Variants in IRGC observed in about 807,000 individuals in gnomAD.
The protein encoded by IRGC is interferon-inducible GTPase 5.
Under a neutral mutation model 16.1 loss-of-function variants are expected in IRGC, and 4 were observed. The observed-to-expected ratio is 0.25, with a 90% CI of 0.12 to 0.57. IRGC has a LOEUF of 0.57. Ranked by LOEUF, IRGC falls within the 20% of genes least tolerant of loss-of-function variation. IRGC has a pLI of 0.92. For synonymous variants in IRGC, 307 were observed against 299.5 expected, an observed-to-expected ratio of 1.03 and a Z score of -0.26; for missense variants, 570 against 643.9, an observed-to-expected ratio of 0.89 and a Z score of 1.24.
chr19:43,718,354 C>T, intron 1 of IRGC, 139 bp from the exon 2 acceptor site: 1 of 1,107,318 alleles, frequency 9.0e-7, no homozygotes, highest in East Asian at 3.0e-5. Flanking sequence ...TAACTTGTGC[C>T]AAAAATGTGT....
intron 1 of IRGC, among the ~76,000 whole-genome samples, chr19:43,716,818 T>C (rs555095978): frequency 3.3e-5 from 5 of 152,096 alleles, no homozygotes; most frequent in Non-Finnish European, 5.9e-5. Context: ...GGGACCTGGG[T>C]TGGGGTCCTG....
In IRGC at chr19:43,719,425, C is replaced by A; in HGVS notation, c.867C>A (p.Tyr289Ter). The A allele has an allele frequency of 1.2e-6, 2 of 1,605,090 alleles. No individual in the cohort carries two copies. Among genetic ancestry groups the A allele is most frequent in the Non-Finnish European group, 1.7e-6 (2 of 1,174,938 alleles). Reference protein sequence around the residue: ...ALPVPGLAAAYDDALLIHSLR... With the variant: ...ALPVPGLAAA ...CGGTCCCAGGGCTGGCGGCCGCCTA[C>A]GATGATGCGTTGCTCATCCACTCAC... Residue 289 changes from tyrosine to a stop codon, truncating the protein, a stop_gained, in exon 2 of 2, where the codon TAC (tyrosine) becomes TAA (stop). Coordinates refer to ENST00000244314, the MANE Select transcript of IRGC (RefSeq NM_019612.4). LOFTEE classifies it high-confidence loss of function.
chr19:43,717,804 TC>T (rs530471116), intron 1 of IRGC, among the ~76,000 whole-genome samples: 60 of 152,340 alleles, frequency 3.9e-4, no homozygotes, highest in African/African-American at 1.3e-3. Flanking sequence ...GCATAGTGGC[TC>T]ATGCCCTTAA....
Position 43,719,769 on chromosome 19 carries a change from T to G in IRGC, c.1211T>G (p.Leu404Arg). The G allele has an allele frequency of 1.2e-6, 2 of 1,613,670 alleles. No homozygotes were observed. The highest frequency in any genetic ancestry group is 4.5e-5 in the East Asian group (2 of 44,866). ...EDAQRVRIKA[L>R]EDDEPQPEVS... ...GCCCAGCGTGTCCGCATCAAGGCCCTGGAGGATGACGAGCCGCAGCCGGAG... is the reference window on the plus strand; with the variant it reads ...GCCCAGCGTGTCCGCATCAAGGCCCGGGAGGATGACGAGCCGCAGCCGGAG... Residue 404 changes from leucine to arginine, a missense_variant, in exon 2 of 2, where the codon CTG becomes CGG. Physicochemically the swap from Leu to Arg is moderately radical, Grantham distance 102. Transcript: ENST00000244314.
Position 43,718,871 on chromosome 19 carries a change from C to A in IRGC, c.313C>A (p.Pro105Thr), listed in dbSNP as rs762591618. ...GTCGCCCTATCCACACCCACAGTTC[C>A]CTGACGTGACCCTCTGGGACCTGCC... ...QPSPYPHPQF[P>T]DVTLWDLPGA... The change falls in exon 2 of 2, where the codon CCT becomes ACT. Residue 105 changes from proline (P) to threonine (T), a missense_variant. Pro to Thr is a conservative substitution (Grantham distance 38, BLOSUM62 -1). Transcript: ENST00000244314. 6.2e-7 allele frequency: 1 copy of A among 1,613,376 alleles called. No homozygotes were observed. The highest frequency in any genetic ancestry group is 1.3e-5 in the African/African-American group (1 of 75,064).
At position 43,719,300 on chromosome 19, in the gene IRGC, C is replaced by T. The variant is rs760877732; in HGVS notation, c.742C>T (p.Leu248Phe). Residue 248 changes from leucine (L) to phenylalanine (F), a missense_variant, in exon 2 of 2, where the codon CTC becomes TTC. Coordinates refer to ENST00000244314, the MANE Select transcript of IRGC (RefSeq NM_019612.4). ...CCGGCGCCACGCTGGCCTGCTGTCG[C>T]TCCCCGACATCTCGCTGGAGGCCTT... Reference protein sequence around the residue: ...SHRRHAGLLSLPDISLEALQK... With the variant: ...SHRRHAGLLSFPDISLEALQK... 5.6e-6 allele frequency: 9 copies of T among 1,609,892 alleles called. No individual in the cohort carries two copies. Among genetic ancestry groups the T allele is most frequent in the South Asian group, 4.4e-5 (4 of 90,802 alleles).
At position 43,719,030 on chromosome 19, in the gene IRGC, T is replaced by A. The variant is rs1166795869; in HGVS notation, c.472T>A (p.Cys158Ser). 6.2e-7 allele frequency: 1 copy of A among 1,612,854 alleles called. No individual in the cohort carries two copies. The highest frequency in any genetic ancestry group is 8.5e-7 in the Non-Finnish European group (1 of 1,179,874). The change falls in exon 2 of 2, where the codon TGC becomes AGC. Residue 158 changes from cysteine (C) to serine (S), a missense_variant. Cys to Ser is a moderately radical substitution (Grantham distance 112). Transcript: ENST00000244314. ...GACCCGCCTGGCCGCTGAGATCCTG[T>A]GCCAGGGCAAGAAGTTCTACTTTGT... ...VETRLAAEILCQGKKFYFVRT... is the reference protein window; with the variant it reads ...VETRLAAEILSQGKKFYFVRT...
In IRGC at chr19:43,718,484, CCT is replaced by C. The variant is rs754290604; in HGVS notation, c.-66-6_-66-5del. 8.9e-5 allele frequency: 134 copies of C among 1,505,796 alleles called. No homozygotes were observed. The African/African-American group carries it at 1.5e-3, about 17-fold the overall frequency. The allele number at this position is 1,505,796 out of a possible 1,614,324, so 93.3% of individuals were successfully genotyped here. A position where few individuals can be genotyped will look rare whatever the true frequency, so the allele number is the denominator to read the frequency against. ...CAGGAGGTGTGAATGGCTCCCTTCT[CCT>C]CTGCAGGCGCTGAGGATCACGCATC... On this transcript the variant is annotated splice_polypyrimidine_tract_variant and splice_region_variant and intron_variant, in intron 1 of 1. Coordinates refer to ENST00000244314, the MANE Select transcript of IRGC (RefSeq NM_019612.4).
At chr19:43,716,661 T>C (rs1968174217) in intron 1 of IRGC, among the ~76,000 whole-genome samples, 1 of 152,044 alleles carries the variant, frequency 6.6e-6, no homozygotes, top group Non-Finnish European at 1.5e-5. Flanking sequence ...TAAGGACATA[T>C]TTCTGTGGGG....
Position 43,719,583 on chromosome 19 carries a change from C to T in IRGC, c.1025C>T (p.Thr342Ile), listed in dbSNP as rs746848166. The T allele has an allele frequency of 1.2e-6, 2 of 1,602,366 alleles. No homozygotes were observed. The highest frequency in any genetic ancestry group is 1.7e-5 in the Admixed American group (1 of 59,986). Residue 342 changes from threonine to isoleucine, a missense_variant, in exon 2 of 2, where the codon ACT becomes ATT. Physicochemically the swap from Thr to Ile is moderately conservative, Grantham distance 89. Coordinates refer to ENST00000244314, the MANE Select transcript of IRGC (RefSeq NM_019612.4). ...CTGGCCAACGAGGTCTCGCCTGAGA[C>T]TGTCCTGCGGCTCTATTCCCAGTCG... ...SPLANEVSPE[T>I]VLRLYSQSSD...
chr19:43,718,818 C>A lies in IRGC; in HGVS notation c.260C>A (p.Thr87Lys), dbSNP rs761093481. 1 of 1,612,992 alleles carries A rather than the reference C, an allele frequency of 6.2e-7. No individual in the cohort carries two copies. The highest frequency in any genetic ancestry group is 8.5e-7 in the Non-Finnish European group (1 of 1,179,968). The change falls in exon 2 of 2, where the codon ACG (threonine) becomes AAG (lysine). Residue 87 changes from threonine (T) to lysine (K), a missense_variant. Transcript: ENST00000244314. Reference protein sequence around the residue: ...LEAEDPGAALTGVMETTMQPS... With the variant: ...LEAEDPGAALKGVMETTMQPS... ...GCCGAGGACCCTGGCGCGGCTCTCA[C>A]GGGCGTCATGGAGACCACGATGCAA...
intron 1 of IRGC, among the ~76,000 whole-genome samples, chr19:43,716,880 T>G (rs1478604875): frequency 1.3e-5 from 2 of 152,102 alleles, no homozygotes; most frequent in Non-Finnish European, 2.9e-5. Context: ...GCCTCAGTCC[T>G]TCTCCCTGTC....
Position 43,718,632 on chromosome 19 carries a change from A to G in IRGC, c.74A>G (p.Glu25Gly), listed in dbSNP as rs1968209502. Residue 25 changes from glutamate to glycine, a missense_variant, in exon 2 of 2, where the codon GAG (glutamate) becomes GGG (glycine). Coordinates refer to ENST00000244314, the MANE Select transcript of IRGC (RefSeq NM_019612.4). ...NTILMAKERL[E>G]ALRTAFESGD... is the part of the protein sequence containing the mutation. ...ATCCTTATGGCCAAGGAAAGGCTGG[A>G]GGCCCTGCGCACAGCCTTTGAGTCG... The G allele has an allele frequency of 6.2e-7, 1 of 1,613,226 alleles. No homozygotes were observed. Among genetic ancestry groups the G allele is most frequent in the Non-Finnish European group, 8.5e-7 (1 of 1,179,754 alleles).
At chr19:43,716,431 C>A (rs1438492555) in intron 1 of IRGC, among the ~76,000 whole-genome samples, 1 of 151,404 alleles carries the variant, frequency 6.6e-6, no homozygotes, top group African/African-American at 2.4e-5. Flanking sequence ...GTGGTGCAAT[C>A]TTGGCTCACT....
rs536305593 is a variant in IRGC, at chr19:43,717,275, C to A, written c.-67+1133C>A. On this transcript the variant is annotated intron_variant, in intron 1 of 1. Transcript: ENST00000244314. The stretch of plus-strand genomic sequence containing the variant: ...CTGCGAGGTGGGGAGGAGTATCCCC[C>A]ACGGGGCAGCTGAGGCTCAGACAGG... 2.6e-5 allele frequency among the ~76,000 whole-genome samples: 4 copies of A among 152,280 alleles called. No individual in the cohort carries two copies. In the East Asian group the frequency reaches 5.8e-4, roughly 22 times the overall value.
chr19:43,719,218 G>C lies in IRGC; in HGVS notation c.660G>C (p.Pro220=), dbSNP rs369487767. The C allele has an allele frequency of 2.8e-5, 45 of 1,608,640 alleles. No individual in the cohort carries two copies. In the South Asian group the frequency reaches 3.8e-4, roughly 14 times the overall value. ...PRIFLVSNLS[P]ARYDFPTLVS... ...TCTTCCTGGTGTCCAACCTCTCGCC[G>C]GCCCGCTACGACTTTCCCACGCTGG... Residue 220 remains proline, a synonymous_variant, in exon 2 of 2, where the codon CCG becomes CCC. Coordinates refer to ENST00000244314, the MANE Select transcript of IRGC (RefSeq NM_019612.4).
Position 43,718,877 on chromosome 19 carries a change from G to A in IRGC, c.319G>A (p.Val107Met), listed in dbSNP as rs372481323. Reference protein sequence around the residue: ...SPYPHPQFPDVTLWDLPGAGS... With the variant: ...SPYPHPQFPDMTLWDLPGAGS... ...CTATCCACACCCACAGTTCCCTGAC[G>A]TGACCCTCTGGGACCTGCCAGGAGC... The change falls in exon 2 of 2, where the codon GTG (valine) becomes ATG (methionine). Residue 107 changes from valine to methionine, a missense_variant. Physicochemically the swap from Val to Met is conservative, Grantham distance 21. Coordinates refer to ENST00000244314, the MANE Select transcript of IRGC (RefSeq NM_019612.4). 9.4e-5 allele frequency: 151 copies of A among 1,613,218 alleles called. No homozygotes were observed. Among genetic ancestry groups the A allele is most frequent in the African/African-American group, 4.0e-5 (3 of 74,936 alleles).
At chr19:43,717,674 C>T (rs1449646515) in intron 1 of IRGC, among the ~76,000 whole-genome samples, 3 of 152,210 alleles carry the variant, frequency 2.0e-5, no homozygotes, top group East Asian at 1.9e-4. Flanking sequence ...TGGGCCTGTA[C>T]CACCCTTTCC....
rs1364207990 is a variant in IRGC at position 43,718,886 on chromosome 19, T to C, written c.328T>C (p.Trp110Arg). The C allele has an allele frequency of 5.6e-6, 9 of 1,613,134 alleles. No individual in the cohort carries two copies. In the Admixed American group the frequency reaches 1.5e-4, roughly 27 times the overall value. The part of the protein sequence containing the change: ...PHPQFPDVTL[W>R]DLPGAGSPGC... ...CCCACAGTTCCCTGACGTGACCCTC[T>C]GGGACCTGCCAGGAGCCGGCTCTCC... Residue 110 changes from tryptophan to arginine, a missense_variant, in exon 2 of 2, where the codon TGG becomes CGG. Transcript: ENST00000244314.
Sources: gnomAD v4.1 joint callset for allele counts (sites outside exome capture counted in the v4.1 genomes callset) on GRCh38, gnomAD v4.1.1 for gene constraint, MANE v1.5 for transcripts, NCBI Gene and HGNC (gene_info 2026-07-23, HGNC 2026-07-21) for gene names.